HVCN1: variants seen among roughly 807,000 people sequenced by gnomAD.
HVCN1 encodes the protein hydrogen voltage gated channel 1, also known as voltage-gated hydrogen channel 1.
Under a neutral mutation model 29.2 loss-of-function variants are expected in HVCN1, and 14 were observed. The ratio of observed to expected loss-of-function variants is 0.48; its 90% confidence interval spans 0.32 to 0.75. The LOEUF (loss-of-function observed/expected upper bound fraction) is 0.75, where lower values mean the gene tolerates loss of function less well. Among genes scored for constraint, HVCN1 ranks in the 30% least tolerant of loss-of-function variants. HVCN1 has a pLI of 0.04. For synonymous variants in HVCN1, 131 were observed against 133.2 expected, an observed-to-expected ratio of 0.98 and a Z score of 0.11; for missense variants, 263 against 341.8, an observed-to-expected ratio of 0.77 and a Z score of 1.82.
chr12:110,699,326 G>A (rs1303365265), intron 2 of HVCN1, among the ~76,000 whole-genome samples: 1 of 152,146 alleles, frequency 6.6e-6, no homozygotes, highest in Non-Finnish European at 1.5e-5. Flanking sequence ...GGCCTGGAAC[G>A]GGAGCCAATG....
At chr12:110,651,682 T>C (rs2067818609) in intron 5 of HVCN1, among the ~76,000 whole-genome samples, 1 of 152,218 alleles carries the variant, frequency 6.6e-6, no homozygotes, top group African/African-American at 2.4e-5. Context: ...AGCAATTCCA[T>C]GGCTAAGAAC....
Position 110,661,291 on chromosome 12 carries a change from G to A in HVCN1, c.179C>T (p.Thr60Ile). 1 of 1,614,228 alleles carries A rather than the reference G, an allele frequency of 6.2e-7. No homozygotes were observed. The highest frequency in any genetic ancestry group is 8.5e-7 in the Non-Finnish European group (1 of 1,180,032). ...TCTGCCTTCCTCGCCTGAGACTGGT[G>A]TGGGTGGTGGCTGCTCCTCCTCCTC... is the stretch of plus-strand genomic sequence containing the variant. ...EEEEEEQPPP[T>I]PVSGEEGRAA... The change falls in exon 4 of 8, where the codon ACA becomes ATA. Residue 60 changes from threonine to isoleucine, a missense_variant. This residue lies in a region of HVCN1 where 157 missense variants were observed against 181.3 expected (regional missense o/e 0.87). Coordinates refer to ENST00000242607, the MANE Select transcript of HVCN1 (RefSeq NM_032369.4). The surrounding 1 kb of genome is among the most constrained non-coding windows in gnomAD (Gnocchi z 6.2).
At chr12:110,674,901 G>A (rs544105978) in intron 3 of HVCN1, among the ~76,000 whole-genome samples, 18 of 152,180 alleles carry the variant, frequency 1.2e-4, no homozygotes, top group African/African-American at 3.6e-4. Context: ...GAGTTAAGTG[G>A]TGAATGAAGT....
At chr12:110,687,408 A>G (rs2069232913) in intron 2 of HVCN1, among the ~76,000 whole-genome samples, 2 of 152,100 alleles carry the variant, frequency 1.3e-5, no homozygotes. Context: ...GATTGCAGAG[A>G]AGAGCATTCC....
Position 110,651,257 on chromosome 12 carries a change from C to G in HVCN1, c.603G>C (p.Leu201=), listed in dbSNP as rs1302469827. 6.2e-7 allele frequency: 1 copy of G among 1,613,932 alleles called. No homozygotes were observed. Among genetic ancestry groups the G allele is most frequent in the African/African-American group, 1.3e-5 (1 of 74,922 alleles). ...QEHQFEALGL[L]ILLRLWRVAR... is the part of the protein sequence containing the mutation. The stretch of plus-strand genomic sequence containing the variant: ...CCACCCGCCACAGCCGGAGCAGAAT[C>G]AGCAGGCCCAGAGCCTCAAACTGGT... Residue 201 remains leucine (L), a synonymous_variant, in exon 6 of 8, where the codon CTG becomes CTC. Transcript: ENST00000242607.
chr12:110,694,786 C>T lies in HVCN1; in HGVS notation c.-103-6078G>A, dbSNP rs759670032. ...AGGCCTGGGCACCGATGCCTGATGA[C>T]GCAGCTATGTGAAAAGGGCACGGTC... On this transcript the variant is annotated intron_variant, in intron 2 of 4. Transcript: ENST00000546713. This position sits in a 1 kb window ranked among gnomAD's most constrained non-coding sequence, Gnocchi z 4.6. Among the ~76,000 whole-genome samples, 7 of 152,202 alleles carry T rather than the reference C, an allele frequency of 4.6e-5. No individual in the cohort carries two copies. Among genetic ancestry groups the T allele is most frequent in the Non-Finnish European group, 1.0e-4 (7 of 68,040 alleles).
chr12:110,666,296 G>A (rs1332481983), intron 3 of HVCN1, among the ~76,000 whole-genome samples: 19 of 151,908 alleles, frequency 1.3e-4, no homozygotes, highest in South Asian at 4.2e-4. Flanking sequence ...AGTGGCCAGC[G>A]CCTGTAGTCC....
At chr12:110,691,839 C>T (rs1353239654), upstream of HVCN1, among the ~76,000 whole-genome samples, 1 of 148,192 alleles carries the variant, frequency 6.7e-6, no homozygotes, top group Non-Finnish European at 1.5e-5. Flanking sequence ...GCCTCTGCTC[C>T]ACGGTGCAGT....
At chr12:110,677,317 C>G (rs1327902874) in intron 3 of HVCN1, among the ~76,000 whole-genome samples, 2 of 152,196 alleles carry the variant, frequency 1.3e-5, no homozygotes, top group Non-Finnish European at 1.5e-5. Context: ...TGTCCCCACT[C>G]TGGCCACATT....
chr12:110,654,141 A>T (rs2067907728), intron 5 of HVCN1, among the ~76,000 whole-genome samples: 1 of 152,186 alleles, frequency 6.6e-6, no homozygotes, highest in South Asian at 2.1e-4. Context: ...TCTATTAAAA[A>T]TAGAGGAAGA....
intron 2 of HVCN1, among the ~76,000 whole-genome samples, chr12:110,700,636 A>G (rs2069554893): frequency 6.6e-6 from 1 of 152,104 alleles, no homozygotes; most frequent in Non-Finnish European, 1.5e-5. Context: ...TCTGTTGTCC[A>G]GGCTGGAGTG....
chr12:110,674,758 A>G (rs1219834041), intron 3 of HVCN1, among the ~76,000 whole-genome samples: 2 of 152,198 alleles, frequency 1.3e-5, no homozygotes, highest in Admixed American at 6.5e-5. Context: ...CTCGCCAGCC[A>G]TATGGAACTA....
intron 2 of HVCN1, among the ~76,000 whole-genome samples, chr12:110,700,924 G>T (rs2069557554): frequency 6.6e-6 from 1 of 152,240 alleles, no homozygotes; most frequent in Non-Finnish European, 1.5e-5. Context: ...TGGGGCTCAA[G>T]AGTGGAACTC....
rs570928572 is a variant in HVCN1 at position 110,679,725 on chromosome 12, C to A, written c.21+3500G>T. 4.5e-4 allele frequency among the ~76,000 whole-genome samples: 69 copies of A among 152,214 alleles called. 1 individual carries two copies. In the South Asian group the frequency reaches 9.3e-3, roughly 21 times the overall value. On this transcript the variant is annotated intron_variant, in intron 3 of 7. Coordinates refer to ENST00000242607, the MANE Select transcript of HVCN1 (RefSeq NM_032369.4). ...AAAATTAGCTGGGCGCGGTGGCGGG[C>A]GCCTGTAGTCCCAGCTACTCGGGAG...
intron 2 of HVCN1, among the ~76,000 whole-genome samples, chr12:110,696,645 CCATGGA>C (rs2069496798): frequency 1.3e-5 from 2 of 152,136 alleles, no homozygotes; most frequent in Non-Finnish European, 2.9e-5. Context: ...CTTTCTGTCT[CCATGGA>C]TTTGCCTGCT....
intron 4 of HVCN1, among the ~76,000 whole-genome samples, chr12:110,657,427 G>A (rs973647801): frequency 1.3e-5 from 2 of 151,634 alleles, no homozygotes; most frequent in Non-Finnish European, 2.9e-5. Context: ...CCTGGGAGGC[G>A]GAGGTTGCAG....
intron 3 of HVCN1, among the ~76,000 whole-genome samples, chr12:110,672,501 G>A (rs763319959): frequency 1.6e-4 from 24 of 152,150 alleles, no homozygotes; most frequent in Non-Finnish European, 3.4e-4. Context: ...CTCAATCTAC[G>A]ATTATGGGAA....
At chr12:110,650,614 G>A (rs1214125498) in intron 6 of HVCN1, among the ~76,000 whole-genome samples, 2 of 152,134 alleles carry the variant, frequency 1.3e-5, no homozygotes, top group African/African-American at 4.8e-5. Context: ...AGCACAGGCT[G>A]GGAAATGCCC....
At chr12:110,665,860 A>G (rs1341925045) in intron 3 of HVCN1, among the ~76,000 whole-genome samples, 1 of 151,742 alleles carries the variant, frequency 6.6e-6, no homozygotes, top group Non-Finnish European at 1.5e-5. Context: ...TACAAAATTA[A>G]CTGTGCATCG....
Sources: allele counts gnomAD v4.1 joint callset (sites outside exome capture counted in the v4.1 genomes callset), GRCh38; gene constraint gnomAD v4.1.1; regional missense constraint gnomAD v4.1.1; non-coding constraint Gnocchi (gnomAD v3.1); transcripts MANE v1.5; gene names NCBI Gene and HGNC (gene_info 2026-07-23, HGNC 2026-07-21).